Variants in TRIQK observed in about 807,000 individuals in gnomAD.
TRIQK encodes the protein triple QxxK/R motif containing.
A neutral mutation model predicts 10.8 loss-of-function variants in TRIQK; 10 were observed. That is an observed-to-expected ratio of 0.92 (90% CI 0.57 to 1.57). The LOEUF (loss-of-function observed/expected upper bound fraction) is 1.57, where lower values mean the gene tolerates loss of function less well. Among genes scored for constraint, TRIQK ranks in the 40% most tolerant of loss-of-function variants. The probability of loss-of-function intolerance (pLI) is 0.00; values close to 1 mark genes in which losing one functional copy is unlikely to be tolerated. For missense variants in TRIQK, 107 were observed against 97.7 expected, an observed-to-expected ratio of 1.09 and a Z score of -0.40; for synonymous variants, 33 against 33.7, an observed-to-expected ratio of 0.98 and a Z score of 0.07.
chr8:92,974,797 C>A (rs188779289), intron 1 of TRIQK: 1 of 152,294 alleles, frequency 6.6e-6, no homozygotes, highest in African/African-American at 2.4e-5. Flanking sequence ...TCCTAGAGGG[C>A]TTTGTAAATG....
At chr8:92,970,344 A>T (rs1400183124), upstream of TRIQK, among the ~76,000 whole-genome samples, 1 of 152,062 alleles carries the variant, frequency 6.6e-6, no homozygotes, top group Admixed American at 6.6e-5. Flanking sequence ...GTGGTTCTGC[A>T]GTTCTGCTTC....
At chr8:92,928,064 G>A (rs1406232188) in intron 2 of TRIQK, 2 of 152,066 alleles carry the variant, frequency 1.3e-5, no homozygotes, top group Non-Finnish European at 1.5e-5. Context: ...GATTAACTGG[G>A]TTCAAGGGGG....
At chr8:92,983,049 A>G (rs1224475536) in intron 1 of TRIQK, among the ~76,000 whole-genome samples, 1 of 152,058 alleles carries the variant, frequency 6.6e-6, no homozygotes, top group East Asian at 1.9e-4. Context: ...ATCAAATAAG[A>G]TAATGTTTTT....
chr8:92,960,489 C>T (rs1812403530), intron 1 of TRIQK: 1 of 152,160 alleles, frequency 6.6e-6, no homozygotes, highest in Admixed American at 6.5e-5. Flanking sequence ...CCATAACCTA[C>T]AAATAAGTTA....
upstream of TRIQK, among the ~76,000 whole-genome samples, chr8:92,968,164 G>A (rs1812836303): frequency 1.3e-5 from 2 of 152,064 alleles, no homozygotes; most frequent in Admixed American, 6.6e-5. Flanking sequence ...GTATTCTATG[G>A]TGTATATGTG....
intron 3 of TRIQK, among the ~76,000 whole-genome samples, chr8:92,900,739 A>G (rs1348553417): frequency 2.0e-5 from 3 of 152,012 alleles, no homozygotes; most frequent in Non-Finnish European, 4.4e-5. Flanking sequence ...TTTTGGTTTA[A>G]TATAAATGTT....
At chr8:92,935,409 C>T (rs751712534) in intron 2 of TRIQK, among the ~76,000 whole-genome samples, 26 of 151,812 alleles carry the variant, frequency 1.7e-4, no homozygotes, top group Non-Finnish European at 3.0e-5. Context: ...TCACCGTCTA[C>T]ATATTCTGTT....
At chr8:92,997,530 G>C (rs1813164832) in intron 1 of TRIQK, among the ~76,000 whole-genome samples, 1 of 152,002 alleles carries the variant, frequency 6.6e-6, no homozygotes, top group East Asian at 1.9e-4. Context: ...CTCAATTTCT[G>C]TCCTTACATA....
intron 3 of TRIQK, among the ~76,000 whole-genome samples, chr8:92,899,911 T>A (rs1488005300): frequency 1.4e-5 from 2 of 141,404 alleles, no homozygotes; most frequent in East Asian, 4.2e-4. Context: ...CTCACCAGCA[T>A]TCGTTCTTGC....
At chr8:92,935,841 T>A (rs955104735) in intron 2 of TRIQK, among the ~76,000 whole-genome samples, 2 of 151,502 alleles carry the variant, frequency 1.3e-5, no homozygotes, top group Non-Finnish European at 3.0e-5. Flanking sequence ...TTAAAACACA[T>A]TTCTTAAAAA....
intron 3 of TRIQK, among the ~76,000 whole-genome samples, chr8:92,905,135 G>A (rs749518596): frequency 2.0e-5 from 3 of 151,978 alleles, no homozygotes; most frequent in South Asian, 2.1e-4. Flanking sequence ...TAGAAGCATC[G>A]TTCGTAATAG....
chr8:92,994,027 A>G (rs1260685548), intron 1 of TRIQK, among the ~76,000 whole-genome samples: 1 of 152,168 alleles, frequency 6.6e-6, no homozygotes, highest in East Asian at 1.9e-4. Flanking sequence ...CACAAAGACT[A>G]TTCCTGTTTC....
chr8:92,957,455 G>A (rs988080912), intron 1 of TRIQK, among the ~76,000 whole-genome samples: 2 of 151,798 alleles, frequency 1.3e-5, no homozygotes, highest in African/African-American at 4.8e-5. Flanking sequence ...AATATCATCT[G>A]AGTAACTATT....
intron 3 of TRIQK, among the ~76,000 whole-genome samples, chr8:92,903,166 AAAACTTTAGTAAC>A (rs1304366356): frequency 6.6e-6 from 1 of 152,052 alleles, no homozygotes; most frequent in Non-Finnish European, 1.5e-5. Context: ...TAACATTTTA[AAAACTTTAGTAAC>A]CCAATACATT....
At chr8:93,013,955 T>C (rs1202497455) in intron 1 of TRIQK, among the ~76,000 whole-genome samples, 3 of 152,118 alleles carry the variant, frequency 2.0e-5, no homozygotes, top group Non-Finnish European at 4.4e-5. Context: ...GCTATTTGAA[T>C]ACAGAGCTAA....
chr8:92,903,783 GT>G (rs1563620295), intron 3 of TRIQK, among the ~76,000 whole-genome samples: 2 of 151,976 alleles, frequency 1.3e-5, no homozygotes, highest in Non-Finnish European at 2.9e-5. Flanking sequence ...TGAGTATTAC[GT>G]TCAGGGTGAT....
chr8:92,928,772 C>G (rs546519710), intron 2 of TRIQK, among the ~76,000 whole-genome samples: 3 of 152,260 alleles, frequency 2.0e-5, no homozygotes, highest in African/African-American at 7.2e-5. Flanking sequence ...GTGGCATGAT[C>G]AAATTGTGGA....
chr8:92,890,753 C>A (rs58911371), intron 4 of TRIQK, among the ~76,000 whole-genome samples: 83 of 151,908 alleles, frequency 5.5e-4, no homozygotes, highest in African/African-American at 1.9e-3. Flanking sequence ...CAACAAAAAT[C>A]CCACTGTATT....
intron 2 of TRIQK, among the ~76,000 whole-genome samples, chr8:92,944,182 T>C (rs1586470660): frequency 6.6e-6 from 1 of 151,778 alleles, no homozygotes; most frequent in African/African-American, 2.4e-5. Context: ...AAAATGGCAA[T>C]TATCAAAAAG....
Sources: gnomAD v4.1 joint callset for allele counts (sites outside exome capture counted in the v4.1 genomes callset) on GRCh38, gnomAD v4.1.1 for gene constraint, MANE v1.5 for transcripts, NCBI Gene and HGNC (gene_info 2026-07-23, HGNC 2026-07-21) for gene names.